The following OSBPL6 variants were observed in gnomAD, a reference collection of about 807,000 sequenced individuals.
OSBPL6 encodes oxysterol binding protein like 6.
Under a neutral mutation model 125.8 loss-of-function variants are expected in OSBPL6, and 49 were observed. That is an observed-to-expected ratio of 0.39 (90% confidence interval 0.31 to 0.49). OSBPL6 has a LOEUF of 0.49. Among genes scored for constraint, OSBPL6 ranks in the 20% least tolerant of loss-of-function variants. The pLI is 0.88. For synonymous variants in OSBPL6, 394 were observed against 391.8 expected, an observed-to-expected ratio of 1.01 and a Z score of -0.07; for missense variants, 986 against 1,135.4, an observed-to-expected ratio of 0.87 and a Z score of 1.89.
At chr2:178,349,502 A>G in intron 12 of OSBPL6, 113 bp downstream of exon 12, 1 of 1,300,534 alleles carries the variant, frequency 7.7e-7, no homozygotes, top group Non-Finnish European at 1.0e-6. Flanking sequence ...AAATGGTTGG[A>G]TATAGTGGTT....
intron 1 of OSBPL6, among the ~76,000 whole-genome samples, chr2:178,244,548 G>C (rs2153994386): frequency 6.6e-6 from 1 of 152,258 alleles, no homozygotes; most frequent in Non-Finnish European, 1.5e-5. Context: ...TTTATAAAAA[G>C]GGAATAATAT....
At chr2:178,274,290 T>A (rs906494756) in intron 1 of OSBPL6, among the ~76,000 whole-genome samples, 2 of 151,772 alleles carry the variant, frequency 1.3e-5, no homozygotes, top group African/African-American at 4.9e-5. Flanking sequence ...AGCTTGAGGC[T>A]TATGTGGGCG....
chr2:178,258,513 A>C (rs1170000829), intron 1 of OSBPL6, among the ~76,000 whole-genome samples: 1 of 152,108 alleles, frequency 6.6e-6, no homozygotes, highest in Non-Finnish European at 1.5e-5. Flanking sequence ...TTGATATCCC[A>C]CCATTCTTAT....
Position 178,395,699 on chromosome 2 carries a change from A to G in OSBPL6, c.*140A>G, listed in dbSNP as rs1310231023. 8.3e-6 allele frequency: 5 copies of G among 600,154 alleles called. No individual in the cohort carries two copies. The highest frequency in any genetic ancestry group is 1.4e-5 in the Non-Finnish European group (5 of 347,108). The allele number at this position is 600,154 out of a possible 1,614,324, so 37.2% of individuals were successfully genotyped here. The stretch of plus-strand genomic sequence containing the variant: ...GCTTTTCTATTCATCTTTATAATGG[A>G]CTTTCAGAAGTGCATTAGACAAGGC... On this transcript the variant is annotated 3_prime_UTR_variant, in exon 25 of 25. Transcript: ENST00000190611.
intron 1 of OSBPL6, among the ~76,000 whole-genome samples, chr2:178,279,886 C>T (rs1355799510): frequency 1.3e-5 from 2 of 152,080 alleles, no homozygotes; most frequent in Non-Finnish European, 2.9e-5. Context: ...TAAAACAAGA[C>T]CCAGTGAAAT....
chr2:178,338,862 C>CAGTATCT, intron 9 of OSBPL6, 129 bp from the exon 10 acceptor site: 1 of 609,826 alleles, frequency 1.6e-6, no homozygotes. Flanking sequence ...TTTCACCTGC[C>CAGTATCT]AGTATCTTCA....
chr2:178,349,809 A>G (rs1201160450), intron 12 of OSBPL6, among the ~76,000 whole-genome samples: 2 of 152,228 alleles, frequency 1.3e-5, no homozygotes, highest in Non-Finnish European at 2.9e-5. Context: ...GGGCTCAGCT[A>G]AGCAGCAAAG....
At chr2:178,271,123 C>A (rs2092366899) in intron 1 of OSBPL6, among the ~76,000 whole-genome samples, 1 of 152,086 alleles carries the variant, frequency 6.6e-6, no homozygotes, top group South Asian at 2.1e-4. Flanking sequence ...TTTTTTAAAT[C>A]AGCCTATGAC....
chr2:178,266,255 C>G (rs1287786465), intron 1 of OSBPL6, among the ~76,000 whole-genome samples: 1 of 152,038 alleles, frequency 6.6e-6, no homozygotes, highest in Non-Finnish European at 1.5e-5. Context: ...TATTGGAGCC[C>G]CATATATGTG....
At chr2:178,364,443 T>C (rs960704887) in intron 13 of OSBPL6, among the ~76,000 whole-genome samples, 3 of 152,162 alleles carry the variant, frequency 2.0e-5, no homozygotes, top group Non-Finnish European at 2.9e-5. Flanking sequence ...AGCTTGTACA[T>C]TTGAGATATT....
chr2:178,207,330 T>G (rs2089591812), intron 1 of OSBPL6, among the ~76,000 whole-genome samples: 1 of 152,246 alleles, frequency 6.6e-6, no homozygotes, highest in Admixed American at 6.5e-5. Flanking sequence ...TCTCCTTTTC[T>G]TTGTCTGTGT....
intron 1 of OSBPL6, among the ~76,000 whole-genome samples, chr2:178,206,966 G>T (rs13029471): frequency 0.4 from 61,195 of 151,756 alleles, 15,043 homozygotes; most frequent in East Asian, 0.67. Flanking sequence ...TTTAGGTCTC[G>T]CTGTGTTTCC....
chr2:178,270,105 C>T (rs2092343981), intron 1 of OSBPL6, among the ~76,000 whole-genome samples: 1 of 152,152 alleles, frequency 6.6e-6, no homozygotes, highest in Non-Finnish European at 1.5e-5. Flanking sequence ...AAGAGGGAGC[C>T]TGTGATAGGA....
At chr2:178,286,807 T>C (rs556229199) in intron 2 of OSBPL6, among the ~76,000 whole-genome samples, 4 of 152,320 alleles carry the variant, frequency 2.6e-5, no homozygotes, top group Non-Finnish European at 5.9e-5. Flanking sequence ...CCAGGGCGAC[T>C]CAGAGAACAG....
chr2:178,212,932 C>G (rs1169639519), intron 1 of OSBPL6, among the ~76,000 whole-genome samples: 1 of 152,008 alleles, frequency 6.6e-6, no homozygotes, highest in Non-Finnish European at 1.5e-5. Context: ...CTCAGCCTCC[C>G]GAGTAGCTGG....
chr2:178,320,319 G>C lies in OSBPL6; in HGVS notation c.103-3858G>C, dbSNP rs2154070314. 3.1e-6 allele frequency: 5 copies of C among 1,612,522 alleles called. No individual in the cohort carries two copies. The East Asian group carries it at 1.1e-4, about 36-fold the overall frequency. ...GAGCATATTTTTACCAAATTAAAGA[G>C]CTACAGTGAAATATGTGTTCCAGGT... On this transcript the variant is annotated intron_variant, in intron 3 of 24. Transcript: ENST00000190611.
chr2:178,269,231 C>T (rs1365226969), intron 1 of OSBPL6, among the ~76,000 whole-genome samples: 1 of 152,132 alleles, frequency 6.6e-6, no homozygotes, highest in African/African-American at 2.4e-5. Flanking sequence ...GCTTCTGTGC[C>T]CCCCTTGGGT....
intron 12 of OSBPL6, among the ~76,000 whole-genome samples, chr2:178,351,970 C>A (rs894247186): frequency 6.6e-6 from 1 of 152,160 alleles, no homozygotes; most frequent in Non-Finnish European, 1.5e-5. Flanking sequence ...CAAACCTTCA[C>A]ATATTACCCC....
At chr2:178,284,635 T>G (rs1684528794) in intron 1 of OSBPL6, among the ~76,000 whole-genome samples, 1 of 152,232 alleles carries the variant, frequency 6.6e-6, no homozygotes, top group African/African-American at 2.4e-5. Flanking sequence ...GAATATATTT[T>G]GTCCCCTTTT....
Sources: allele counts gnomAD v4.1 joint callset (sites outside exome capture counted in the v4.1 genomes callset), GRCh38; gene constraint gnomAD v4.1.1; transcripts MANE v1.5; gene names NCBI Gene and HGNC (gene_info 2026-07-23, HGNC 2026-07-21).